The following HACD3 variants were observed in gnomAD, a reference collection of about 807,000 sequenced individuals.
The protein encoded by HACD3 is 3-hydroxyacyl-CoA dehydratase 3, also known as very-long-chain (3R)-3-hydroxyacyl-CoA dehydratase 3.
HACD3 carries 30 observed loss-of-function variants against 55.2 expected under a neutral mutation model. That is an observed-to-expected ratio of 0.54 (90% CI 0.41 to 0.74). The LOEUF is 0.74. Among genes scored for constraint, HACD3 ranks in the 30% least tolerant of loss-of-function variants. HACD3 has a pLI of 0.00. For missense variants in HACD3, 363 were observed against 440.1 expected, an observed-to-expected ratio of 0.82 and a Z score of 1.57; for synonymous variants, 141 against 151.7, an observed-to-expected ratio of 0.93 and a Z score of 0.52.
At chr15:65,568,288 C>T (rs1181265977) in intron 7 of HACD3, among the ~76,000 whole-genome samples, 1 of 151,348 alleles carries the variant, frequency 6.6e-6, no homozygotes, top group South Asian at 2.1e-4. Flanking sequence ...TATGGTTGCA[C>T]AACATAATGA....
At chr15:65,552,814 G>A (rs1371824112) in intron 2 of HACD3, among the ~76,000 whole-genome samples, 1 of 151,494 alleles carries the variant, frequency 6.6e-6, no homozygotes, top group Non-Finnish European at 1.5e-5. Context: ...CTAGCATTAG[G>A]TATATCTCCC....
At position 65,530,685 on chromosome 15, in the gene HACD3, G is replaced by C; in HGVS notation, c.54G>C (p.Glu18Asp). The change falls in exon 1 of 11, where the codon GAG (glutamate) becomes GAC (aspartate). Residue 18 changes from glutamate to aspartate, a missense_variant. By Grantham distance (45) the Glu-to-Asp change is conservative (BLOSUM62 2). Transcript: ENST00000261875. ...TCTACTGGGCTCAGCGACACCGCGA[G>C]CTATATCTGCGCGTGGAGCTGAGTG... ...PHVYWAQRHR[E>D]LYLRVELSDV... is the part of the protein sequence containing the mutation. 6.3e-7 allele frequency: 1 copy of C among 1,578,072 alleles called. No individual in the cohort carries two copies. The highest frequency in any genetic ancestry group is 8.6e-7 in the Non-Finnish European group (1 of 1,163,188).
chr15:65,552,409 C>T (rs2072142765), intron 2 of HACD3, among the ~76,000 whole-genome samples: 1 of 152,156 alleles, frequency 6.6e-6, no homozygotes, highest in South Asian at 2.1e-4. Flanking sequence ...GATTTCGGCT[C>T]ACTGCAACCT....
chr15:65,569,247 CA>C (rs71447850), intron 7 of HACD3, among the ~76,000 whole-genome samples: 38 of 125,198 alleles, frequency 3.0e-4, no homozygotes, highest in Admixed American at 5.1e-4. Context: ...GACTCTGTCT[CA>C]AAAAAAAAAA....
intron 4 of HACD3, among the ~76,000 whole-genome samples, chr15:65,557,856 C>G (rs1455427378): frequency 6.6e-6 from 1 of 151,560 alleles, no homozygotes; most frequent in Non-Finnish European, 1.5e-5. Flanking sequence ...TTGGCACTAA[C>G]TGGCCTTTGG....
At chr15:65,545,630 A>G (rs957910970) in intron 1 of HACD3, among the ~76,000 whole-genome samples, 72 of 113,334 alleles carry the variant, frequency 6.4e-4, no homozygotes, top group Admixed American at 2.9e-3. Context: ...TTTTTTTTGT[A>G]TTTTTAGTAG....
intron 10 of HACD3, among the ~76,000 whole-genome samples, chr15:65,572,914 C>CAA (rs60226731): frequency 1.6e-4 from 17 of 106,444 alleles, no homozygotes; most frequent in Admixed American, 5.3e-4. Flanking sequence ...GACTTTGTCT[C>CAA]AAAAAAAAAA....
At chr15:65,568,120 C>T (rs2072310791) in intron 7 of HACD3, among the ~76,000 whole-genome samples, 1 of 151,010 alleles carries the variant, frequency 6.6e-6, no homozygotes, top group African/African-American at 2.4e-5. Context: ...ATGGGGTTTC[C>T]CATGTTGGCC....
intron 1 of HACD3, 67 bp from the exon 2 acceptor site, chr15:65,551,609 C>T: frequency 6.4e-7 from 1 of 1,573,928 alleles, no homozygotes; most frequent in Non-Finnish European, 8.7e-7. Context: ...GGGAAGAAGC[C>T]CCTTGTTTAA....
At chr15:65,532,670 T>C (rs1294114859) in intron 1 of HACD3, among the ~76,000 whole-genome samples, 2 of 151,980 alleles carry the variant, frequency 1.3e-5, no homozygotes, top group Non-Finnish European at 2.9e-5. Flanking sequence ...TAAAAATTTT[T>C]GGGGAAAAAT....
At chr15:65,561,295 T>C (rs1367371137) in intron 5 of HACD3, among the ~76,000 whole-genome samples, 1 of 152,042 alleles carries the variant, frequency 6.6e-6, no homozygotes, top group Non-Finnish European at 1.5e-5. Flanking sequence ...GATGAAACCC[T>C]GTCTCTGCTA....
chr15:65,531,919 A>G (rs546051856), intron 1 of HACD3, among the ~76,000 whole-genome samples: 7 of 151,852 alleles, frequency 4.6e-5, no homozygotes, highest in Non-Finnish European at 5.9e-5. Context: ...CTTAACATCT[A>G]TGGCACTTTG....
chr15:65,567,608 G>A (rs1264503633), intron 7 of HACD3, among the ~76,000 whole-genome samples: 3 of 152,166 alleles, frequency 2.0e-5, no homozygotes, highest in Non-Finnish European at 2.9e-5. Flanking sequence ...CAGGATAGTA[G>A]CATCATTTTC....
chr15:65,554,009 A>G (rs575826074), intron 2 of HACD3, among the ~76,000 whole-genome samples: 2 of 152,352 alleles, frequency 1.3e-5, no homozygotes, highest in African/African-American at 4.8e-5. Context: ...ATAAGCTGCG[A>G]AAGATTGTAT....
intron 1 of HACD3, among the ~76,000 whole-genome samples, chr15:65,531,609 A>G (rs1002455816): frequency 6.6e-6 from 1 of 151,504 alleles, no homozygotes; most frequent in South Asian, 2.1e-4. Flanking sequence ...CTTGTCGCCC[A>G]GGCTGGAGTG....
At chr15:65,543,073 TAAAA>T (rs550281162) in intron 1 of HACD3, among the ~76,000 whole-genome samples, 2 of 113,948 alleles carry the variant, frequency 1.8e-5, no homozygotes, top group Non-Finnish European at 3.6e-5. Flanking sequence ...TCTGTCTCTC[TAAAA>T]AAAAAAAAAA....
rs777378144 is a variant in HACD3, at chr15:65,551,702, C to T, written c.114C>T (p.Asn38=). ...ACCCTGCCATCAGCATCACTGAAAA[C>T]GTGCTGCATTTCAAAGGTCAGTATC... ...VQNPAISITE[N]VLHFKAQGHG... is the part of the protein sequence containing the mutation. The change falls in exon 2 of 11, where the codon AAC becomes AAT. Residue 38 remains asparagine, a synonymous_variant. Coordinates refer to ENST00000261875, the MANE Select transcript of HACD3 (RefSeq NM_016395.4). 39 of 1,613,820 alleles carry T rather than the reference C, an allele frequency of 2.4e-5. No homozygotes were observed. In the East Asian group the frequency reaches 6.2e-4, roughly 26 times the overall value.
At chr15:65,563,342 A>G (rs1216161341) in intron 6 of HACD3, among the ~76,000 whole-genome samples, 1 of 152,206 alleles carries the variant, frequency 6.6e-6, no homozygotes, top group Non-Finnish European at 1.5e-5. Context: ...AAATTAATTT[A>G]TGTGTTTAGC....
chr15:65,575,730 A>G (rs1366680111), intron 10 of HACD3, among the ~76,000 whole-genome samples: 1 of 152,214 alleles, frequency 6.6e-6, no homozygotes, highest in Non-Finnish European at 1.5e-5. Flanking sequence ...CAGTAAATCT[A>G]GATGTTCCCT....
Sources: gnomAD v4.1 joint callset for allele counts (sites outside exome capture counted in the v4.1 genomes callset) on GRCh38, gnomAD v4.1.1 for gene constraint, MANE v1.5 for transcripts, NCBI Gene and HGNC (gene_info 2026-07-23, HGNC 2026-07-21) for gene names.